GTF2A1L: variants seen among roughly 807,000 people sequenced by gnomAD.
GTF2A1L encodes TFIIA-alpha and beta-like factor.
A neutral mutation model predicts 49.7 loss-of-function variants in GTF2A1L; 48 were observed. The observed-to-expected ratio is 0.97, with a 90% confidence interval of 0.77 to 1.23. The LOEUF is 1.23. GTF2A1L is among the 50% of genes most tolerant of loss of function. The pLI, the probability that GTF2A1L is intolerant of heterozygous loss-of-function variation, is 0.00. For synonymous variants in GTF2A1L, 246 were observed against 193.5 expected (o/e 1.27, Z -2.25); for missense variants, 736 against 564.8 (o/e 1.30, Z -3.07).
chr2:48,644,581 A>G (rs1271461249), intron 4 of GTF2A1L, among the ~76,000 whole-genome samples: 1 of 152,162 alleles, frequency 6.6e-6, no homozygotes, highest in African/African-American at 2.4e-5. Context: ...GGTCATTTGT[A>G]TTTTCATTTT....
At chr2:48,654,217 T>G (rs1404134391) in intron 6 of GTF2A1L, among the ~76,000 whole-genome samples, 2 of 152,188 alleles carry the variant, frequency 1.3e-5, no homozygotes, top group Non-Finnish European at 2.9e-5. Flanking sequence ...ATTATTTTTA[T>G]CTTCCAGTTT....
chr2:48,646,339 A>T, intron 5 of GTF2A1L, 114 bp from the exon 6 acceptor site: 1 of 917,120 alleles, frequency 1.1e-6, no homozygotes, highest in Non-Finnish European at 1.6e-6. Flanking sequence ...CCATTAACAT[A>T]TTGGTGTATT....
At chr2:48,643,547 A>C (rs1174024312) in intron 4 of GTF2A1L, among the ~76,000 whole-genome samples, 5 of 152,170 alleles carry the variant, frequency 3.3e-5, no homozygotes, top group African/African-American at 1.2e-4. Context: ...TGGAATTCAA[A>C]CAAATATTTT....
In GTF2A1L at chr2:48,646,823, C is replaced by A. The variant is rs762416958; in HGVS notation, c.759C>A (p.Val253=). The part of the protein sequence containing the change: ...SLPGVVFSPQ[V]SQTNSNVESV... The stretch of plus-strand genomic sequence containing the variant: ...CAGGTGTTGTATTTTCTCCACAGGT[C>A]TCTCAAACAAATTCTAATGTGGAGT... Residue 253 remains valine, a synonymous_variant, in exon 6 of 9, where the codon GTC becomes GTA. Transcript: ENST00000403751. 5 of 1,614,038 alleles carry A rather than the reference C, an allele frequency of 3.1e-6. No individual in the cohort carries two copies. The South Asian group carries it at 3.3e-5, about 11-fold the overall frequency.
At chr2:48,628,928 A>G (rs1676432826) in intron 3 of GTF2A1L, among the ~76,000 whole-genome samples, 1 of 143,788 alleles carries the variant, frequency 7.0e-6, no homozygotes, top group African/African-American at 2.5e-5. Flanking sequence ...CCAGTTAACA[A>G]GAGGGAGGTG....
At position 48,623,135 on chromosome 2, in the gene GTF2A1L, C is replaced by G. The variant is rs950611867; in HGVS notation, c.247+1845C>G. Among the ~76,000 whole-genome samples the G allele has an allele frequency of 2.0e-5, 3 of 152,252 alleles. No homozygotes were observed. The East Asian group carries it at 5.8e-4, about 29-fold the overall frequency. Reference sequence around the variant, plus strand: ...GTGCTTTATAGGCTTGTTCCTGTCTCTCTTCATCTTTAGGTACCAAACAGT... The same window carrying G: ...GTGCTTTATAGGCTTGTTCCTGTCTGTCTTCATCTTTAGGTACCAAACAGT... On this transcript the variant is annotated intron_variant, in intron 3 of 8. Transcript: ENST00000403751.
rs1473189120 is a variant in GTF2A1L at position 48,679,209 on chromosome 2, G to T, written c.1330-126G>T. 35 of 1,216,662 alleles carry T rather than the reference G, an allele frequency of 2.9e-5. 1 individual carries two copies. The highest frequency in any genetic ancestry group is 3.9e-5 in the Non-Finnish European group (35 of 894,382). 75.4% of individuals were successfully genotyped at this position (1,216,662 alleles called of 1,614,324 possible). On this transcript the variant is annotated intron_variant, in intron 8 of 8. Transcript: ENST00000403751. ...GTTTATGGAATAAACAAACTATCTT[G>T]AGGAGATTTTAATTTTAAGGCACTC...
intron 8 of GTF2A1L, among the ~76,000 whole-genome samples, chr2:48,674,129 C>T (rs1022178688): frequency 6.6e-6 from 1 of 152,156 alleles, no homozygotes; most frequent in Non-Finnish European, 1.5e-5. Context: ...GGCATATACT[C>T]AGGAGTTGAA....
chr2:48,639,175 T>A (rs1454890050), intron 3 of GTF2A1L, among the ~76,000 whole-genome samples: 1 of 152,134 alleles, frequency 6.6e-6, no homozygotes, highest in African/African-American at 2.4e-5. Context: ...ACCAATGAAA[T>A]TCTTCACAGA....
At chr2:48,638,364 A>C (rs1677018379) in intron 3 of GTF2A1L, among the ~76,000 whole-genome samples, 1 of 152,208 alleles carries the variant, frequency 6.6e-6, no homozygotes, top group Admixed American at 6.5e-5. Flanking sequence ...AGCACATCAA[A>C]AAGCTAATCC....
At chr2:48,633,117 G>T (rs1676675563) in intron 3 of GTF2A1L, 1 of 273,218 alleles carries the variant, frequency 3.7e-6, no homozygotes, top group Admixed American at 4.6e-5. Context: ...TTTGAAGTTT[G>T]TTTCCTGCAA....
At chr2:48,627,713 GT>G (rs1184319421) in intron 3 of GTF2A1L, among the ~76,000 whole-genome samples, 2 of 141,608 alleles carry the variant, frequency 1.4e-5, no homozygotes, top group East Asian at 2.0e-4. Context: ...AAGAGGCCAT[GT>G]TTTTTTTTCT....
At chr2:48,650,612 A>G (rs776497855) in intron 6 of GTF2A1L, among the ~76,000 whole-genome samples, 8 of 152,174 alleles carry the variant, frequency 5.3e-5, no homozygotes, top group Non-Finnish European at 8.8e-5. Flanking sequence ...TTGAGTCTCT[A>G]TATGCCATTG....
chr2:48,646,285 C>G (rs1475555956), intron 5 of GTF2A1L, 168 bp from the exon 6 acceptor site: 2 of 507,242 alleles, frequency 3.9e-6, no homozygotes, highest in Non-Finnish European at 6.4e-6. Context: ...TGTAGAAATC[C>G]AAAAATGTCT....
intron 1 of GTF2A1L, among the ~76,000 whole-genome samples, chr2:48,620,088 T>A (rs1330226362): frequency 6.6e-6 from 1 of 152,220 alleles, no homozygotes; most frequent in East Asian, 1.9e-4. Context: ...TTGGAGTTTA[T>A]TTATATTTGT....
intron 6 of GTF2A1L, among the ~76,000 whole-genome samples, chr2:48,649,482 A>C (rs984709096): frequency 3.9e-5 from 6 of 152,216 alleles, no homozygotes; most frequent in African/African-American, 1.2e-4. Context: ...CCTAAGCTTC[A>C]GGGATCAGAA....
At chr2:48,633,876 C>T (rs1385937236) in intron 3 of GTF2A1L, among the ~76,000 whole-genome samples, 1 of 122,752 alleles carries the variant, frequency 8.1e-6, no homozygotes, top group Non-Finnish European at 1.7e-5. Context: ...GAATGCTTAT[C>T]ATTATATAAT....
At chr2:48,618,879 C>T (rs6738387) in intron 1 of GTF2A1L, among the ~76,000 whole-genome samples, 63,429 of 151,938 alleles carry the variant, frequency 0.42, 14,210 homozygotes, top group African/African-American at 0.57. Flanking sequence ...ATTTTGATTT[C>T]TGAAAAACTG....
At chr2:48,645,545 C>T (rs1006453074) in intron 5 of GTF2A1L, among the ~76,000 whole-genome samples, 6 of 152,146 alleles carry the variant, frequency 3.9e-5, no homozygotes, top group African/African-American at 4.8e-5. Flanking sequence ...TGGAGGTTAA[C>T]CGGTTTCTGC....
Sources: gnomAD v4.1 joint callset for allele counts (sites outside exome capture counted in the v4.1 genomes callset) on GRCh38, gnomAD v4.1.1 for gene constraint, MANE v1.5 for transcripts, NCBI Gene and HGNC (gene_info 2026-07-23, HGNC 2026-07-21) for gene names.